The following ZBED6 variants were observed in gnomAD, a reference collection of about 807,000 sequenced individuals.
The protein encoded by ZBED6 is zinc finger BED domain-containing protein 6.
Under a neutral mutation model 58.4 loss-of-function variants are expected in ZBED6, and 40 were observed. The observed-to-expected ratio is 0.68, with a 90% CI of 0.53 to 0.89. The LOEUF is 0.89. Among genes scored for constraint, ZBED6 ranks in the 40% least tolerant of loss-of-function variants. ZBED6 has a pLI of 0.00. For synonymous variants in ZBED6, 439 were observed against 350.6 expected (o/e 1.25, Z -2.82); for missense variants, 1,057 against 1,003.9 (o/e 1.05, Z -0.71).
At chr1:203,833,059 C>A (rs1357329783) in intron 8 of ZBED6, among the ~76,000 whole-genome samples, 1 of 151,562 alleles carries the variant, frequency 6.6e-6, no homozygotes, top group Non-Finnish European at 1.5e-5. Flanking sequence ...CATGGTGAAA[C>A]CCTGTCTCTA....
At chr1:203,838,727 G>C (rs370204319) in intron 10 of ZBED6, among the ~76,000 whole-genome samples, 14 of 152,134 alleles carry the variant, frequency 9.2e-5, no homozygotes, top group Admixed American at 3.3e-4. Context: ...GAGGTGGGTG[G>C]ATCACCTGAG....
At chr1:203,824,407 G>A (rs1679809761) in intron 3 of ZBED6, among the ~76,000 whole-genome samples, 1 of 152,126 alleles carries the variant, frequency 6.6e-6, no homozygotes. Flanking sequence ...ATGAGAAGGA[G>A]TCTTTTTATC....
chr1:203,811,262 C>T (rs1418406591), intron 1 of ZBED6, among the ~76,000 whole-genome samples: 1 of 151,938 alleles, frequency 6.6e-6, no homozygotes, highest in Non-Finnish European at 1.5e-5. Flanking sequence ...CAGCTGAGGT[C>T]GTGCCATTGC....
chr1:203,804,460 A>G (rs566100531), intron 1 of ZBED6, among the ~76,000 whole-genome samples: 3 of 151,698 alleles, frequency 2.0e-5, no homozygotes, highest in South Asian at 2.1e-4. Flanking sequence ...CCCTTCCTGT[A>G]TATCTTTTTA....
At chr1:203,817,998 C>T (rs763507292) in intron 2 of ZBED6, among the ~76,000 whole-genome samples, 1 of 152,028 alleles carries the variant, frequency 6.6e-6, no homozygotes, top group African/African-American at 2.4e-5. Flanking sequence ...CTGCCCGCCT[C>T]GGCCTCCCAA....
At chr1:203,833,378 A>ACAAC (rs1468526328) in intron 8 of ZBED6, among the ~76,000 whole-genome samples, 1 of 148,510 alleles carries the variant, frequency 6.7e-6, no homozygotes, top group Non-Finnish European at 1.5e-5. Context: ...AAAAAAAAAA[A>ACAAC]AAAAAACACC....
chr1:203,838,366 GCATCTATTATTAC>G (rs1465011286), intron 10 of ZBED6, among the ~76,000 whole-genome samples: 1 of 152,180 alleles, frequency 6.6e-6, no homozygotes, highest in Non-Finnish European at 1.5e-5. Context: ...CATAGGAGAG[GCATCTATTATTAC>G]CATCTGTTAG....
intron 8 of ZBED6, among the ~76,000 whole-genome samples, chr1:203,833,179 C>T (rs1268235061): frequency 6.6e-6 from 1 of 152,078 alleles, no homozygotes; most frequent in East Asian, 1.9e-4. Flanking sequence ...ACCAGCCCGA[C>T]CAACGCGGTG....
intron 7 of ZBED6, 102 bp from the exon 8 acceptor site, chr1:203,831,559 C>A: frequency 1.2e-6 from 1 of 855,316 alleles, no homozygotes; most frequent in Non-Finnish European, 1.9e-6. Flanking sequence ...GTCATAATAT[C>A]AGTCTGTATT....
Position 203,848,422 on chromosome 1 carries a change from A to C in ZBED6, c.*4322+15A>C. Reference sequence around the variant, plus strand: ...AAGCTAAAGAGGTAAATTTAAGATTATTGTATGGTTTTGTTCATGGCAAAC... The same window carrying C: ...AAGCTAAAGAGGTAAATTTAAGATTCTTGTATGGTTTTGTTCATGGCAAAC... On this transcript the variant is annotated intron_variant, in intron 13 of 16. Coordinates refer to ENST00000550078, the Ensembl canonical transcript of ZBED6. The C allele has an allele frequency of 1.3e-6, 2 of 1,593,878 alleles. No homozygotes were observed. The highest frequency in any genetic ancestry group is 1.7e-6 in the Non-Finnish European group (2 of 1,168,492).
rs534257847 is a variant in ZBED6, at chr1:203,804,709, G to A, written c.*2554+1693G>A. Among the ~76,000 whole-genome samples, 43 of 138,944 alleles carry A rather than the reference G, an allele frequency of 3.1e-4. 1 individual carries two copies. Among genetic ancestry groups the A allele is most frequent in the African/African-American group, 8.1e-4 (30 of 36,892 alleles). The allele number at this position is 138,944 out of a possible 152,430, so 91.2% of individuals were successfully genotyped here. On this transcript the variant is annotated intron_variant, in intron 1 of 16. Transcript: ENST00000550078. ...TTTTTTGATATGGAGTATTGCTCTC[G>A]TTGCCTAGGCTGGAGTGCAATGGTG...
chr1:203,832,205 T>A (rs973741483), intron 8 of ZBED6, among the ~76,000 whole-genome samples: 1 of 152,088 alleles, frequency 6.6e-6, no homozygotes, highest in African/African-American at 2.4e-5. Flanking sequence ...ATTATAGGCA[T>A]GTGCCACCAA....
At chr1:203,818,357 C>T (rs950828211) in intron 2 of ZBED6, among the ~76,000 whole-genome samples, 2 of 151,922 alleles carry the variant, frequency 1.3e-5, no homozygotes, top group African/African-American at 4.8e-5. Context: ...TCACTCATGC[C>T]AGATCAAACG....
exon 1 of ZBED6, chr1:203,797,449 G>A (rs1219399401): frequency 7.4e-7 from 1 of 1,346,780 alleles, no homozygotes; most frequent in Non-Finnish European, 9.8e-7. Context: ...CAAGTAGAGA[G>A]GAACAGCTGT....
At chr1:203,826,979 C>A (rs1308581295) in intron 3 of ZBED6, among the ~76,000 whole-genome samples, 1 of 152,134 alleles carries the variant, frequency 6.6e-6, no homozygotes, top group Non-Finnish European at 1.5e-5. Context: ...TAACCACATC[C>A]CCAAAGCTGA....
At chr1:203,837,325 A>G (rs6689679) in intron 9 of ZBED6, among the ~76,000 whole-genome samples, 19,117 of 150,660 alleles carry the variant, frequency 0.13, 1,591 homozygotes, top group East Asian at 0.3. Flanking sequence ...GTACATGAAG[A>G]TTTTTCACAT....
At chr1:203,805,762 C>T (rs1298088184) in intron 1 of ZBED6, 2 of 680,638 alleles carry the variant, frequency 2.9e-6, no homozygotes, top group Non-Finnish European at 5.6e-6. Context: ...AAGCTCATCA[C>T]CCAGTGTATC....
chr1:203,853,762 C>G (rs185117021), exon 17 of ZBED6: 3 of 152,630 alleles, frequency 2.0e-5, no homozygotes, highest in Admixed American at 1.3e-4. Context: ...CCCATTCAGT[C>G]TTGGGAAGAT....
chr1:203,811,340 G>A (rs1674436854), intron 1 of ZBED6, among the ~76,000 whole-genome samples: 1 of 152,074 alleles, frequency 6.6e-6, no homozygotes, highest in Admixed American at 6.6e-5. Context: ...AATAAAATTA[G>A]TTGCCAAAAA....
Sources: allele counts gnomAD v4.1 joint callset (sites outside exome capture counted in the v4.1 genomes callset), GRCh38; gene constraint gnomAD v4.1.1; transcripts MANE v1.5; gene names NCBI Gene and HGNC (gene_info 2026-07-23, HGNC 2026-07-21).